Variants in PPM1E observed in about 807,000 individuals in gnomAD.
The protein encoded by PPM1E is protein phosphatase 1E.
Under a neutral mutation model 65.9 loss-of-function variants are expected in PPM1E, and 20 were observed. That is an observed-to-expected ratio of 0.30 (90% CI 0.21 to 0.44). PPM1E has a LOEUF of 0.44. Ranked by LOEUF, PPM1E falls within the 20% of genes least tolerant of loss-of-function variation. The probability of loss-of-function intolerance (pLI) is 1.00; values close to 1 mark genes in which losing one functional copy is unlikely to be tolerated. For synonymous variants in PPM1E, 352 were observed against 374.9 expected, an observed-to-expected ratio of 0.94 and a Z score of 0.70; for missense variants, 713 against 953.1, an observed-to-expected ratio of 0.75 and a Z score of 3.32.
chr17:58,863,416 G>T (rs1017274740), intron 1 of PPM1E, among the ~76,000 whole-genome samples: 1 of 152,220 alleles, frequency 6.6e-6, no homozygotes. Context: ...AGCAGGTCCT[G>T]TGCAGGCCCC....
chr17:58,832,473 C>CTA (rs959421955), intron 1 of PPM1E, among the ~76,000 whole-genome samples: 6 of 152,016 alleles, frequency 3.9e-5, no homozygotes, highest in African/African-American at 1.5e-4. Flanking sequence ...TCTACTACTT[C>CTA]TATATATAGA....
chr17:58,821,418 A>G (rs569544859), intron 1 of PPM1E, among the ~76,000 whole-genome samples: 3 of 152,164 alleles, frequency 2.0e-5, no homozygotes, highest in African/African-American at 7.2e-5. Flanking sequence ...CCAGCTTTGT[A>G]TTTTTCTAAT....
At chr17:58,805,869 G>A (rs1279217231) in intron 1 of PPM1E, among the ~76,000 whole-genome samples, 2 of 146,556 alleles carry the variant, frequency 1.4e-5, no homozygotes, top group Non-Finnish European at 3.0e-5. Flanking sequence ...AGAATAGGAA[G>A]CCTAAAATGT....
chr17:58,827,605 A>T (rs1379070812), intron 1 of PPM1E, among the ~76,000 whole-genome samples: 3 of 152,198 alleles, frequency 2.0e-5, no homozygotes, highest in Admixed American at 1.3e-4. Context: ...TATAAATTTA[A>T]AAAATAATTG....
chr17:58,806,701 T>C (rs1261534869), intron 1 of PPM1E, among the ~76,000 whole-genome samples: 1 of 109,268 alleles, frequency 9.2e-6, no homozygotes, highest in Non-Finnish European at 1.7e-5. Context: ...TTGTTTTCTT[T>C]TTTTTTTTTT....
chr17:58,809,659 A>G (rs2050347347), intron 1 of PPM1E, among the ~76,000 whole-genome samples: 1 of 152,212 alleles, frequency 6.6e-6, no homozygotes, highest in Non-Finnish European at 1.5e-5. Flanking sequence ...CTGGGATTAC[A>G]GGCATGAGCC....
intron 3 of PPM1E, chr17:58,966,418 TAAAAAAAAAA>T: frequency 8.2e-6 from 1 of 121,918 alleles, no homozygotes; most frequent in South Asian, 1.5e-4. Flanking sequence ...AGCAGTTTTG[TAAAAAAAAAA>T]AAAAAAAAAA....
chr17:58,923,746 CAAA>C (rs531852494), intron 1 of PPM1E, among the ~76,000 whole-genome samples: 1 of 62,378 alleles, frequency 1.6e-5, no homozygotes. Context: ...GACTTCGTCT[CAAA>C]AAAAAAAAAA....
chr17:58,845,368 T>C lies in PPM1E; in HGVS notation c.464+88907T>C, dbSNP rs1364687340. ...TAACGAAATGTTCTGTCTTACCCAT[T>C]TTTAAGTATACAATTTATTGGTATT... On this transcript the variant is annotated intron_variant, in intron 1 of 6. Transcript: ENST00000308249. Among the ~76,000 whole-genome samples the C allele has an allele frequency of 2.6e-5, 4 of 151,972 alleles. No individual in the cohort carries two copies. The East Asian group carries it at 7.7e-4, about 29-fold the overall frequency.
chr17:58,931,080 A>G (rs2051889369), intron 1 of PPM1E, among the ~76,000 whole-genome samples: 1 of 144,062 alleles, frequency 6.9e-6, no homozygotes, highest in Non-Finnish European at 1.5e-5. Context: ...AAAAAAAAAA[A>G]AAAAAAGAAA....
At chr17:58,865,117 C>T (rs908819829) in intron 1 of PPM1E, among the ~76,000 whole-genome samples, 1 of 151,294 alleles carries the variant, frequency 6.6e-6, no homozygotes, top group East Asian at 2.0e-4. Context: ...GGGCCAGGTG[C>T]CGTGGCTCAC....
chr17:58,858,156 AT>A (rs1422055190), intron 1 of PPM1E, among the ~76,000 whole-genome samples: 1 of 152,002 alleles, frequency 6.6e-6, no homozygotes, highest in Non-Finnish European at 1.5e-5. Context: ...CAGAATCCTA[AT>A]TTTTTTGTAC....
chr17:58,860,765 G>A (rs897287068), intron 1 of PPM1E, among the ~76,000 whole-genome samples: 3 of 152,128 alleles, frequency 2.0e-5, no homozygotes, highest in Admixed American at 6.5e-5. Context: ...CCAACATGGT[G>A]GAACCCTGTC....
At chr17:58,825,226 A>ACACT (rs766617573) in intron 1 of PPM1E, among the ~76,000 whole-genome samples, 1 of 37,402 alleles carries the variant, frequency 2.7e-5, no homozygotes, top group Non-Finnish European at 4.3e-5. Flanking sequence ...ACACACACTC[A>ACACT]CACACACACA....
intron 1 of PPM1E, among the ~76,000 whole-genome samples, chr17:58,783,579 ATTAGAC>A (rs1788449178): frequency 6.6e-6 from 1 of 152,230 alleles, no homozygotes; most frequent in African/African-American, 2.4e-5. Context: ...TGGCAAAAGA[ATTAGAC>A]TTAATCTAGC....
chr17:58,968,048 C>T (rs1348644520), intron 3 of PPM1E, among the ~76,000 whole-genome samples: 1 of 152,066 alleles, frequency 6.6e-6, no homozygotes, highest in Non-Finnish European at 1.5e-5. Flanking sequence ...GTGATCTGCC[C>T]GCCTTGGCCT....
At chr17:58,866,738 G>A (rs1041363360) in intron 1 of PPM1E, among the ~76,000 whole-genome samples, 3 of 152,096 alleles carry the variant, frequency 2.0e-5, no homozygotes, top group Non-Finnish European at 2.9e-5. Flanking sequence ...AAGAGATAAG[G>A]GAGAGAGAGC....
At chr17:58,763,179 G>A (rs2049840101) in intron 1 of PPM1E, among the ~76,000 whole-genome samples, 1 of 152,034 alleles carries the variant, frequency 6.6e-6, no homozygotes, top group Non-Finnish European at 1.5e-5. Context: ...TGCTTATATA[G>A]AGTTCCTTCA....
At chr17:58,910,404 T>C (rs1441346824) in intron 1 of PPM1E, among the ~76,000 whole-genome samples, 3 of 152,188 alleles carry the variant, frequency 2.0e-5, no homozygotes, top group Non-Finnish European at 4.4e-5. Context: ...TTGCATGTTG[T>C]CTACGTTATC....
Sources: gnomAD v4.1 joint callset for allele counts (sites outside exome capture counted in the v4.1 genomes callset) on GRCh38, gnomAD v4.1.1 for gene constraint, MANE v1.5 for transcripts, NCBI Gene and HGNC (gene_info 2026-07-23, HGNC 2026-07-21) for gene names.